The following CDH4 variants were observed in gnomAD, a reference collection of about 807,000 sequenced individuals.
The protein encoded by CDH4 is cadherin 4, also known as cadherin-4.
Under a neutral mutation model 86.0 loss-of-function variants are expected in CDH4, and 33 were observed. The ratio of observed to expected loss-of-function variants is 0.38; its 90% CI spans 0.29 to 0.51. The LOEUF is 0.51. CDH4 is among the 20% of genes least tolerant of loss of function. The pLI is 0.86. For missense variants in CDH4, 1,114 were observed against 1,307.4 expected (o/e 0.85, Z 2.28); for synonymous variants, 555 against 549.4 (o/e 1.01, Z -0.14).
chr20:61,899,790 G>A (rs1287846027), intron 8 of CDH4, among the ~76,000 whole-genome samples: 4 of 152,196 alleles, frequency 2.6e-5, no homozygotes, highest in Middle Eastern at 3.2e-3. Flanking sequence ...CAGGGTCTCC[G>A]AGGACAGGAT....
In CDH4 at chr20:61,252,870, C is replaced by G. The variant is rs2084071471; in HGVS notation, c.57+300C>G. Among the ~76,000 whole-genome samples, 1 of 151,870 alleles carries G rather than the reference C, an allele frequency of 6.6e-6. No individual in the cohort carries two copies. The highest frequency in any genetic ancestry group is 2.4e-5 in the African/African-American group (1 of 41,414). On this transcript the variant is annotated intron_variant, in intron 1 of 15. Coordinates refer to ENST00000614565, the MANE Select transcript of CDH4 (RefSeq NM_001794.5). This position sits in a 1 kb window ranked among gnomAD's most constrained non-coding sequence, Gnocchi z 4.4. Reference sequence around the variant, plus strand: ...TCCCTCGAACGCCCAAAGCCCGTAGCCGCTACCCGGAGCTCGGCTTGCCTG... The same window carrying G: ...TCCCTCGAACGCCCAAAGCCCGTAGGCGCTACCCGGAGCTCGGCTTGCCTG...
intron 9 of CDH4, among the ~76,000 whole-genome samples, chr20:61,920,526 TGTC>T (rs1349167488): frequency 1.3e-5 from 2 of 149,938 alleles, no homozygotes; most frequent in African/African-American, 2.5e-5. Context: ...GGAAGTGTGG[TGTC>T]GTGATGATTG....
intron 2 of CDH4, among the ~76,000 whole-genome samples, chr20:61,575,087 A>T (rs750656780): frequency 6.6e-6 from 1 of 152,220 alleles, no homozygotes; most frequent in Non-Finnish European, 1.5e-5. Flanking sequence ...TGCAGGTGAC[A>T]ACACTGAATT....
chr20:61,584,122 T>C (rs1311660719), intron 2 of CDH4, among the ~76,000 whole-genome samples: 1 of 152,244 alleles, frequency 6.6e-6, no homozygotes, highest in Non-Finnish European at 1.5e-5. Context: ...ATCACGCCAC[T>C]GCACTTCAGC....
intron 2 of CDH4, among the ~76,000 whole-genome samples, chr20:61,648,419 G>A (rs990377187): frequency 3.3e-5 from 5 of 152,160 alleles, no homozygotes; most frequent in African/African-American, 9.7e-5. Flanking sequence ...GCAGTGTGAT[G>A]TGGAGAAGGC....
chr20:61,512,378 G>A (rs1056013445), intron 2 of CDH4, among the ~76,000 whole-genome samples: 10 of 152,236 alleles, frequency 6.6e-5, no homozygotes, highest in African/African-American at 2.2e-4. Context: ...AGTGAGACCC[G>A]ATCATTTCAA....
chr20:61,680,115 G>A (rs185794349), intron 2 of CDH4, among the ~76,000 whole-genome samples: 1 of 152,320 alleles, frequency 6.6e-6, no homozygotes, highest in Admixed American at 6.5e-5. Context: ...CCTGAAGCGA[G>A]GAACAGACGC....
At chr20:61,344,670 G>A (rs370918407) in intron 2 of CDH4, among the ~76,000 whole-genome samples, 1 of 152,150 alleles carries the variant, frequency 6.6e-6, no homozygotes, top group African/African-American at 2.4e-5. Flanking sequence ...CATACATGCT[G>A]CCAGTTCCTA....
chr20:61,733,206 G>T (rs887524844), intron 2 of CDH4, among the ~76,000 whole-genome samples: 1 of 152,126 alleles, frequency 6.6e-6, no homozygotes, highest in Non-Finnish European at 1.5e-5. Context: ...GAGGGTCTTT[G>T]GTTGTTTCAA....
chr20:61,634,713 T>C (rs967015454), intron 2 of CDH4, among the ~76,000 whole-genome samples: 1 of 152,250 alleles, frequency 6.6e-6, no homozygotes, highest in Non-Finnish European at 1.5e-5. Context: ...CGCAGAGCTC[T>C]GCGGCGTTAG....
At chr20:61,479,746 C>G (rs931690183) in intron 2 of CDH4, among the ~76,000 whole-genome samples, 2 of 152,156 alleles carry the variant, frequency 1.3e-5, no homozygotes, top group African/African-American at 2.4e-5. Context: ...CTGTAGTTCT[C>G]ATGAGACTGG....
chr20:61,878,002 C>T (rs75830305), intron 7 of CDH4, among the ~76,000 whole-genome samples: 5,672 of 152,118 alleles, frequency 0.037, 148 homozygotes, highest in East Asian at 0.18. Context: ...CCACGGGGGC[C>T]CCAGAGGGAG....
At chr20:61,331,680 C>A (rs1268299334) in intron 2 of CDH4, among the ~76,000 whole-genome samples, 502 of 139,188 alleles carry the variant, frequency 3.6e-3, no homozygotes, top group East Asian at 8.9e-3. Context: ...TCACCTCCTG[C>A]CCCGGCCACC....
chr20:61,537,414 G>A (rs545234642), intron 2 of CDH4, among the ~76,000 whole-genome samples: 4 of 152,168 alleles, frequency 2.6e-5, no homozygotes, highest in African/African-American at 9.7e-5. Flanking sequence ...GCACGTGGCC[G>A]GTGATGTGTC....
At position 61,833,794 on chromosome 20, in the gene CDH4, T is replaced by G. The variant is rs1264716809; in HGVS notation, c.577-10874T>G. Among the ~76,000 whole-genome samples the G allele has an allele frequency of 3.3e-5, 5 of 152,226 alleles. No homozygotes were observed. The East Asian group carries it at 9.7e-4, about 29-fold the overall frequency. ...ACTGCAGATCCTCAGTTACCATCTT[T>G]CATATACTCTTGGCAACAGCTCTGC... On this transcript the variant is annotated intron_variant, in intron 4 of 15. Transcript: ENST00000614565.
Position 61,939,076 on chromosome 20 carries a change from G to A in CDH4, c.*2133G>A, listed in dbSNP as rs1050259387. On this transcript the variant is annotated 3_prime_UTR_variant, in exon 16 of 16. Coordinates refer to ENST00000614565, the MANE Select transcript of CDH4 (RefSeq NM_001794.5). ...CCTGTGTGGGGGGGCATGGCCGTTG[G>A]AGGTATAGCTGGGCGGGTAGTGGAA... is the stretch of plus-strand genomic sequence containing the variant. 3 of 152,488 alleles carry A rather than the reference G, an allele frequency of 2.0e-5. No individual in the cohort carries two copies. Among genetic ancestry groups the A allele is most frequent in the African/African-American group, 7.2e-5 (3 of 41,470 alleles). 9.4% of individuals were successfully genotyped at this position (152,488 alleles called of 1,614,324 possible).
chr20:61,766,840 A>G (rs929700437), intron 3 of CDH4, among the ~76,000 whole-genome samples: 32 of 152,186 alleles, frequency 2.1e-4, no homozygotes, highest in African/African-American at 7.5e-4. Context: ...TGACCGAGAT[A>G]TAATACCCAC....
At chr20:61,545,487 G>A (rs975643243) in intron 2 of CDH4, among the ~76,000 whole-genome samples, 12 of 152,234 alleles carry the variant, frequency 7.9e-5, no homozygotes, top group African/African-American at 2.2e-4. Flanking sequence ...CATTGCTGGC[G>A]TCTGGCGTTC....
chr20:61,481,921 G>T (rs2085570570), intron 2 of CDH4, among the ~76,000 whole-genome samples: 1 of 152,156 alleles, frequency 6.6e-6, no homozygotes, highest in African/African-American at 2.4e-5. Context: ...ACATATCGAT[G>T]ACTTTTCCAT....
Sources: gnomAD v4.1 joint callset for allele counts (sites outside exome capture counted in the v4.1 genomes callset) on GRCh38, gnomAD v4.1.1 for gene constraint, Gnocchi (gnomAD v3.1) non-coding constraint, MANE v1.5 for transcripts, NCBI Gene and HGNC (gene_info 2026-07-23, HGNC 2026-07-21) for gene names.